PARP1: variants seen among roughly 807,000 people sequenced by gnomAD.
PARP1 encodes the protein poly [ADP-ribose] polymerase 1.
PARP1 carries 44 observed loss-of-function variants against 118.7 expected under a neutral mutation model. The observed-to-expected ratio is 0.37, with a 90% CI of 0.29 to 0.48. The LOEUF is 0.48. Ranked by LOEUF, PARP1 falls within the 20% of genes least tolerant of loss-of-function variation. The pLI, the probability that PARP1 is intolerant of heterozygous loss-of-function variation, is 0.99. For synonymous variants in PARP1, 492 were observed against 483.2 expected (o/e 1.02, Z -0.24); for missense variants, 1,100 against 1,272.4 (o/e 0.86, Z 2.06).
intron 2 of PARP1, among the ~76,000 whole-genome samples, chr1:226,398,089 A>G (rs1664961587): frequency 1.3e-5 from 2 of 149,036 alleles, no homozygotes. Context: ...AAGAAAATCT[A>G]TATGACCTTG....
chr1:226,407,930 C>A lies in PARP1; in HGVS notation c.-1G>T. 6.2e-7 allele frequency: 1 copy of A among 1,612,358 alleles called. No homozygotes were observed. Among genetic ancestry groups the A allele is most frequent in the Non-Finnish European group, 8.5e-7 (1 of 1,179,090 alleles). On this transcript the variant is annotated 5_prime_UTR_variant, in exon 1 of 23. Coordinates refer to ENST00000366794, the MANE Select transcript of PARP1 (RefSeq NM_001618.4). ...AGAGCTTATCCGAAGACTCCGCCAT[C>A]CTCCCCTAGCTGCCGCCAAAGCTCC...
In PARP1 at chr1:226,392,232, A is replaced by G; in HGVS notation, c.369T>C (p.Ser123=). Residue 123 remains serine (S), a synonymous_variant, in exon 3 of 23, where the codon AGT becomes AGC. Transcript: ENST00000366794. ...TCTTCTCCATACACCCCTTGCACGTACTTCTGTTGGACTTGGCATACTCTG... is the reference window on the plus strand; with the variant it reads ...TCTTCTCCATACACCCCTTGCACGTGCTTCTGTTGGACTTGGCATACTCTG... ...FAAEYAKSNR[S]TCKGCMEKIE... is the part of the protein sequence containing the mutation. 6.2e-7 allele frequency: 1 copy of G among 1,613,778 alleles called. No individual in the cohort carries two copies. The highest frequency in any genetic ancestry group is 8.5e-7 in the Non-Finnish European group (1 of 1,179,706).
At chr1:226,368,600 G>T (rs912126185) in intron 15 of PARP1, among the ~76,000 whole-genome samples, 2 of 152,154 alleles carry the variant, frequency 1.3e-5, no homozygotes, top group African/African-American at 4.8e-5. Flanking sequence ...TTGAAACCCC[G>T]CCACAACTAT....
intron 20 of PARP1, among the ~76,000 whole-genome samples, chr1:226,363,478 T>A (rs550330900): frequency 6.6e-6 from 1 of 152,358 alleles, no homozygotes; most frequent in East Asian, 1.9e-4. Flanking sequence ...GCCTTTTACA[T>A]GACCTTGTGC....
In PARP1 at chr1:226,371,940, C is replaced by T. The variant is rs905621729; in HGVS notation, c.2071-1423G>A. On this transcript the variant is annotated intron_variant, in intron 14 of 22. Coordinates refer to ENST00000366794, the MANE Select transcript of PARP1 (RefSeq NM_001618.4). ...CTGGAAAAGAAACTCAGGCACAGCG[C>T]TGGACAGCGGGCTGGGAGCAGTGGC... is the stretch of plus-strand genomic sequence containing the variant. 3.3e-5 allele frequency among the ~76,000 whole-genome samples: 5 copies of T among 152,256 alleles called. No homozygotes were observed. The East Asian group carries it at 7.7e-4, about 23-fold the overall frequency.
intron 2 of PARP1, among the ~76,000 whole-genome samples, chr1:226,393,220 C>A (rs1664852599): frequency 6.6e-6 from 1 of 152,130 alleles, no homozygotes; most frequent in African/African-American, 2.4e-5. Context: ...GGCAAGGACA[C>A]TGGTATTTAA....
chr1:226,395,326 G>A (rs1664894537), intron 2 of PARP1, among the ~76,000 whole-genome samples: 1 of 152,060 alleles, frequency 6.6e-6, no homozygotes, highest in African/African-American at 2.4e-5. Context: ...TCTGTATACC[G>A]ATGTTCATTA....
At chr1:226,371,445 A>G (rs1439182793) in intron 14 of PARP1, among the ~76,000 whole-genome samples, 1 of 152,192 alleles carries the variant, frequency 6.6e-6, no homozygotes, top group Non-Finnish European at 1.5e-5. Context: ...AAAGGATGTG[A>G]AAAGTGCTCA....
Position 226,379,613 on chromosome 1 carries a change from T to A in PARP1, c.1572A>T (p.Lys524Asn). The A allele has an allele frequency of 6.2e-7, 1 of 1,612,470 alleles. No homozygotes were observed. Among genetic ancestry groups the A allele is most frequent in the Non-Finnish European group, 8.5e-7 (1 of 1,178,972 alleles). The change falls in exon 11 of 23, where the codon AAA (lysine) becomes AAT (asparagine). Residue 524 changes from lysine (K) to asparagine (N), a missense_variant. Physicochemically the swap from Lys to Asn is moderately conservative, Grantham distance 94. Around this residue, in one of 2 missense-constraint regions of PARP1, gnomAD observed 948 missense variants for 1,031.8 expected, o/e 0.92. Transcript: ENST00000366794. ...CAGCTGCTCCTCCTTTAAGAGTTAA[T>A]TTCATTCTCTTTTCAGATTTGTTGA... ...EGINKSEKRM[K>N]LTLKGGAAVD...
At chr1:226,402,416 G>A (rs757526118) in intron 1 of PARP1, 37 bp from the exon 2 acceptor site, 9 of 1,591,844 alleles carry the variant, frequency 5.7e-6, no homozygotes, top group African/African-American at 1.3e-5. Context: ...TAAGTAAGCA[G>A]TTAACTTTTG....
Position 226,390,669 on chromosome 1 carries a change from G to A in PARP1, c.403-45C>T, listed in dbSNP as rs754146652. The A allele has an allele frequency of 4.5e-6, 7 of 1,564,766 alleles. No individual in the cohort carries two copies. In the East Asian group the frequency reaches 1.6e-4, roughly 35 times the overall value. On this transcript the variant is annotated intron_variant, in intron 3 of 22. Transcript: ENST00000366794. ...TGGTACCAAGGGAGCGACAAGCAAG[G>A]ATAGTGAACATGATACGGGCAGCCT...
At chr1:226,406,385 T>C (rs555942829) in intron 1 of PARP1, among the ~76,000 whole-genome samples, 2 of 152,334 alleles carry the variant, frequency 1.3e-5, no homozygotes, top group African/African-American at 4.8e-5. Context: ...GGCTGCCTTG[T>C]ATATTCAAAG....
At position 226,365,968 on chromosome 1, in the gene PARP1, A is replaced by C. The variant is rs748162332; in HGVS notation, c.2491T>G (p.Leu831Val). ...THATTHNAYD[L>V]EVIDIFKIER... ...GGGATTCTTACATCGATGACTTCCA[A>C]GTCATACGCATTGTGTGTGGTTGCA... is the stretch of plus-strand genomic sequence containing the variant. Residue 831 changes from leucine to valine, a missense_variant, in exon 18 of 23, where the codon TTG (leucine) becomes GTG (valine). Leu to Val is a conservative substitution (Grantham distance 32). Transcript: ENST00000366794. 1 of 1,608,740 alleles carries C rather than the reference A, an allele frequency of 6.2e-7. No homozygotes were observed. The highest frequency in any genetic ancestry group is 1.1e-5 in the South Asian group (1 of 90,954).
intron 17 of PARP1, chr1:226,367,262 T>C (rs1035893818): frequency 2.9e-5 from 17 of 587,690 alleles, no homozygotes; most frequent in Non-Finnish European, 4.9e-5. Context: ...GAAGGCTGCC[T>C]TGCAAACAAG....
chr1:226,373,847 A>G (rs907191), intron 14 of PARP1, among the ~76,000 whole-genome samples: 123,163 of 152,052 alleles, frequency 0.81, 50,387 homozygotes, highest in Middle Eastern at 0.87. Context: ...GCCGGGCACG[A>G]TGGCTCACAC....
At chr1:226,364,240 G>A in intron 19 of PARP1, 170 bp from the exon 20 acceptor site, 1 of 658,014 alleles carries the variant, frequency 1.5e-6, no homozygotes, top group Non-Finnish European at 2.8e-6. Flanking sequence ...TCACAAGCCA[G>A]GCTGTCAGAT....
intron 22 of PARP1, 84 bp from the exon 23 acceptor site, chr1:226,361,625 G>A (rs975854343): frequency 1.5e-5 from 15 of 993,522 alleles, no homozygotes; most frequent in Admixed American, 1.0e-4. Context: ...CTGGCAGGAC[G>A]CTCAGTGCCA....
At chr1:226,366,911 A>ATC in intron 17 of PARP1, 1 of 182,726 alleles carries the variant, frequency 5.5e-6, no homozygotes, top group South Asian at 1.2e-4. Flanking sequence ...GAGTGTGGAG[A>ATC]TAGGCTCAAG....
intron 2 of PARP1, 45 bp from the exon 3 acceptor site, chr1:226,392,359 A>G: frequency 7.1e-7 from 1 of 1,404,358 alleles, no homozygotes; most frequent in Non-Finnish European, 1.0e-6. Context: ...ACAGCCCCAA[A>G]ATGCAGCTCA....
Sources: gnomAD v4.1 joint callset for allele counts (sites outside exome capture counted in the v4.1 genomes callset) on GRCh38, gnomAD v4.1.1 for gene constraint, gnomAD v4.1.1 regional missense constraint, MANE v1.5 for transcripts, NCBI Gene and HGNC (gene_info 2026-07-23, HGNC 2026-07-21) for gene names.